ETV5: variants seen among roughly 807,000 people sequenced by gnomAD.
ETV5 encodes ETS variant transcription factor 5.
ETV5 carries 10 observed loss-of-function variants against 70.0 expected under a neutral mutation model. The observed-to-expected ratio is 0.14, with a 90% CI of 0.09 to 0.24. The LOEUF (loss-of-function observed/expected upper bound fraction) is 0.24, where lower values mean the gene tolerates loss of function less well. Ranked by LOEUF, ETV5 falls within the 10% of genes least tolerant of loss-of-function variation. ETV5 has a pLI of 1.00. For missense variants in ETV5, 453 were observed against 651.2 expected (o/e 0.70, Z 3.31); for synonymous variants, 216 against 242.2 (o/e 0.89, Z 1.01).
chr3:186,077,571 A>G (rs543269045), intron 7 of ETV5, among the ~76,000 whole-genome samples: 8 of 152,330 alleles, frequency 5.3e-5, no homozygotes, highest in African/African-American at 1.9e-4. Flanking sequence ...TGCTTTAAAT[A>G]AAGGTAGGGT....
intron 5 of ETV5, among the ~76,000 whole-genome samples, chr3:186,082,451 G>A (rs1483388841): frequency 3.4e-5 from 5 of 146,444 alleles, no homozygotes; most frequent in African/African-American, 7.6e-5. Flanking sequence ...TTTTTGAGAC[G>A]GAGTCTTACT....
chr3:186,050,778 T>C (rs147778458), intron 12 of ETV5, among the ~76,000 whole-genome samples: 83 of 151,946 alleles, frequency 5.5e-4, no homozygotes, highest in African/African-American at 1.9e-3. Flanking sequence ...AGAAGAGCAG[T>C]GGTAGGAACA....
At position 186,105,684 on chromosome 3, in the gene ETV5, C is replaced by A; in HGVS notation, c.74G>T (p.Arg25Leu). 6.2e-7 allele frequency: 1 copy of A among 1,614,170 alleles called. No homozygotes were observed. Among genetic ancestry groups the A allele is most frequent in the Non-Finnish European group, 8.5e-7 (1 of 1,180,034 alleles). ...GKSRSEECRG[R>L]PVIDRKRKFL... ...CTTCCTCTTTCTGTCAATCACAGGCCGCCCTCTGCATTCCTCAGATCGAGA... is the reference window on the plus strand; with the variant it reads ...CTTCCTCTTTCTGTCAATCACAGGCAGCCCTCTGCATTCCTCAGATCGAGA... Residue 25 changes from arginine to leucine, a missense_variant, in exon 3 of 13, where the codon CGG (arginine) becomes CTG (leucine). Physicochemically the swap from Arg to Leu is moderately radical, Grantham distance 102. Coordinates refer to ENST00000306376, the MANE Select transcript of ETV5 (RefSeq NM_004454.3). This position sits in a 1 kb window ranked among gnomAD's most constrained non-coding sequence, Gnocchi z 4.5.
chr3:186,105,961 A>G lies in ETV5; in HGVS notation c.-74-19T>C, dbSNP rs746729995. ...GATCCTCCTGTAATATGAATTTGGG[A>G]GATTTTAACTAAGAGGGGGGAAAAA... On this transcript the variant is annotated intron_variant, in intron 1 of 12. Coordinates refer to ENST00000306376, the MANE Select transcript of ETV5 (RefSeq NM_004454.3). The surrounding 1 kb of genome is among the most constrained non-coding windows in gnomAD (Gnocchi z 4.5). 1.3e-6 allele frequency: 2 copies of G among 1,505,266 alleles called. No homozygotes were observed. The highest frequency in any genetic ancestry group is 1.2e-5 in the South Asian group (1 of 82,344). The allele number at this position is 1,505,266 out of a possible 1,614,324, so 93.2% of individuals were successfully genotyped here. A position where few individuals can be genotyped will look rare whatever the true frequency, so the allele number is the denominator to read the frequency against.
intron 9 of ETV5, 113 bp downstream of exon 9, chr3:186,064,304 A>T: frequency 1.0e-6 from 1 of 979,254 alleles, no homozygotes; most frequent in Non-Finnish European, 1.6e-6. Context: ...CTTGGGTATT[A>T]GTCAAGCAAA....
intron 1 of ETV5, among the ~76,000 whole-genome samples, chr3:186,108,302 C>G (rs1396724011): frequency 4.6e-5 from 7 of 152,118 alleles, no homozygotes; most frequent in African/African-American, 1.7e-4. Flanking sequence ...GCCGCTGTTC[C>G]GGTGCGCCCC....
Position 186,081,139 on chromosome 3 carries a change from C to T in ETV5, c.269G>A (p.Arg90Gln), listed in dbSNP as rs767971453. 7 of 1,613,456 alleles carry T rather than the reference C, an allele frequency of 4.3e-6. No homozygotes were observed. The highest frequency in any genetic ancestry group is 1.7e-5 in the Admixed American group (1 of 59,978). ...LHAPPPTKIK[R>Q]ELHSPSSELS... ...CTCAGAGGAGGGGCTGTGCAGCTCCCGTTTGATCTTGGTTGGAGGTGGGGC... is the reference window on the plus strand; with the variant it reads ...CTCAGAGGAGGGGCTGTGCAGCTCCTGTTTGATCTTGGTTGGAGGTGGGGC... The change falls in exon 6 of 13, where the codon CGG (arginine) becomes CAG (glutamine). Residue 90 changes from arginine (R) to glutamine (Q), a missense_variant. By Grantham distance (43) the Arg-to-Gln change is conservative (BLOSUM62 1). Around this residue, in one of 4 missense-constraint regions of ETV5, gnomAD observed 307 missense variants for 344.9 expected, o/e 0.89. Transcript: ENST00000306376.
intron 7 of ETV5, among the ~76,000 whole-genome samples, chr3:186,074,180 A>G (rs559126468): frequency 1.3e-5 from 2 of 152,278 alleles, no homozygotes; most frequent in East Asian, 3.9e-4. Context: ...TAGAGATTTT[A>G]GAAAGGGCAC....
chr3:186,084,379 G>A, intron 5 of ETV5: 1 of 341,818 alleles, frequency 2.9e-6, no homozygotes. Flanking sequence ...TAGAAGAGGG[G>A]CCCACAAAGT....
chr3:186,091,535 AG>A (rs1412587108), intron 5 of ETV5, among the ~76,000 whole-genome samples: 1 of 152,196 alleles, frequency 6.6e-6, no homozygotes, highest in Non-Finnish European at 1.5e-5. Flanking sequence ...GAGCCAAATT[AG>A]GGAGTGGTAA....
chr3:186,060,953 A>T (rs573098457), intron 9 of ETV5, among the ~76,000 whole-genome samples: 223 of 152,298 alleles, frequency 1.5e-3, no homozygotes, highest in Non-Finnish European at 2.7e-3. Context: ...GGAACCTCAA[A>T]GAGCCCCATG....
rs1007500785 is a variant in ETV5, at chr3:186,059,033, A to T, written c.971-1542T>A. Among the ~76,000 whole-genome samples, 287 of 151,564 alleles carry T rather than the reference A, an allele frequency of 1.9e-3. 3 individuals carry two copies. Among genetic ancestry groups the T allele is most frequent in the Non-Finnish European group, 1.4e-3 (96 of 67,874 alleles). On this transcript the variant is annotated intron_variant, in intron 9 of 12. Coordinates refer to ENST00000306376, the MANE Select transcript of ETV5 (RefSeq NM_004454.3). ...GTCTCAAAAAAAAAAAAATAAAATA[A>T]AAATAAAAAATAAAAAAAAAGAAAG... is the stretch of plus-strand genomic sequence containing the variant.
chr3:186,075,612 T>C (rs1397639769), intron 7 of ETV5, among the ~76,000 whole-genome samples: 2 of 152,242 alleles, frequency 1.3e-5, no homozygotes, highest in African/African-American at 4.8e-5. Flanking sequence ...GCAGACGTTC[T>C]TGACATTCTC....
chr3:186,098,848 T>G (rs1244114348), intron 5 of ETV5, among the ~76,000 whole-genome samples: 3 of 152,194 alleles, frequency 2.0e-5, no homozygotes, highest in East Asian at 1.9e-4. Context: ...TATGTATGCT[T>G]CTTCTCACTG....
At chr3:186,079,728 G>A in intron 7 of ETV5, 89 bp downstream of exon 7, 4 of 1,402,926 alleles carry the variant, frequency 2.9e-6, no homozygotes, top group Non-Finnish European at 3.9e-6. Flanking sequence ...TAGGAACCTG[G>A]TAAATAAGAC....
chr3:186,091,199 T>C lies in ETV5; in HGVS notation c.233-10024A>G, dbSNP rs373656926. Among the ~76,000 whole-genome samples the C allele has an allele frequency of 1.9e-4, 29 of 152,340 alleles. No homozygotes were observed. The East Asian group carries it at 5.6e-3, about 29-fold the overall frequency. ...AGAAAGTAAGGCTTGTGCTTTGTGC[T>C]TGTGCTTTGGGATAGGGTTTGCTAT... On this transcript the variant is annotated intron_variant, in intron 5 of 12. Coordinates refer to ENST00000306376, the MANE Select transcript of ETV5 (RefSeq NM_004454.3).
chr3:186,091,833 A>G (rs1201806894), intron 5 of ETV5, among the ~76,000 whole-genome samples: 1 of 152,234 alleles, frequency 6.6e-6, no homozygotes, highest in Non-Finnish European at 1.5e-5. Flanking sequence ...TAAGATCCAG[A>G]TTCAAGTTTT....
chr3:186,059,526 G>C (rs1241131663), intron 9 of ETV5, among the ~76,000 whole-genome samples: 1 of 152,166 alleles, frequency 6.6e-6, no homozygotes, highest in Non-Finnish European at 1.5e-5. Context: ...CATTGCAGCA[G>C]ATAAAAATTC....
At chr3:186,060,902 T>C (rs2150143398) in intron 9 of ETV5, among the ~76,000 whole-genome samples, 1 of 152,328 alleles carries the variant, frequency 6.6e-6, no homozygotes, top group Admixed American at 6.5e-5. Flanking sequence ...CCCTCCTAGT[T>C]TGCCTGCTGC....
Sources: allele counts gnomAD v4.1 joint callset (sites outside exome capture counted in the v4.1 genomes callset), GRCh38; gene constraint gnomAD v4.1.1; regional missense constraint gnomAD v4.1.1; non-coding constraint Gnocchi (gnomAD v3.1); transcripts MANE v1.5; gene names NCBI Gene and HGNC (gene_info 2026-07-23, HGNC 2026-07-21).